The following RPS6KC1 variants were observed in gnomAD, a reference collection of about 807,000 sequenced individuals.
RPS6KC1 encodes inactive ribosomal protein S6 kinase delta-1.
RPS6KC1 carries 54 observed loss-of-function variants against 103.8 expected under a neutral mutation model. The ratio of observed to expected loss-of-function variants is 0.52; its 90% CI spans 0.42 to 0.65. The LOEUF (loss-of-function observed/expected upper bound fraction) is 0.65. Among genes scored for constraint, RPS6KC1 ranks in the 30% least tolerant of loss-of-function variants. The pLI is 0.00. For synonymous variants in RPS6KC1, 439 were observed against 438.7 expected, an observed-to-expected ratio of 1.00 and a Z score of -0.01; for missense variants, 1,151 against 1,253.8, an observed-to-expected ratio of 0.92 and a Z score of 1.24.
chr1:213,632,756 A>C, the RPS6KC1 span, among the ~76,000 whole-genome samples: 16 of 152,352 alleles, frequency 1.1e-4, no homozygotes, highest in African/African-American at 3.1e-4. Flanking sequence ...CTCCGAGCTA[A>C]AGGAGGATGT....
At chr1:213,316,882 G>A in the RPS6KC1 span, among the ~76,000 whole-genome samples, 6 of 152,168 alleles carry the variant, frequency 3.9e-5, no homozygotes, top group Admixed American at 3.9e-4. Flanking sequence ...CAGTAGGCAT[G>A]TGCTTGGTGT....
chr1:213,428,045 G>A, the RPS6KC1 span, among the ~76,000 whole-genome samples: 5 of 152,286 alleles, frequency 3.3e-5, no homozygotes, highest in Non-Finnish European at 7.3e-5. Context: ...GAGAAGTCAC[G>A]GTTTGCTACA....
chr1:213,350,238 T>G, the RPS6KC1 span, among the ~76,000 whole-genome samples: 1 of 152,188 alleles, frequency 6.6e-6, no homozygotes, highest in Non-Finnish European at 1.5e-5. Flanking sequence ...CACATGTGGA[T>G]GGAAAGCAAA....
the RPS6KC1 span, among the ~76,000 whole-genome samples, chr1:213,493,478 A>C: frequency 7.2e-5 from 11 of 152,344 alleles, no homozygotes; most frequent in African/African-American, 2.6e-4. Flanking sequence ...TTTGAAGTGA[A>C]GCGATACTGA....
At chr1:213,710,688 G>A in the RPS6KC1 span, among the ~76,000 whole-genome samples, 1 of 152,122 alleles carries the variant, frequency 6.6e-6, no homozygotes, top group Non-Finnish European at 1.5e-5. Context: ...CTTCCTTCAG[G>A]AGTTGTTGTA....
At chr1:213,176,603 C>T (rs1224765171) in intron 8 of RPS6KC1, 111 bp downstream of exon 8, 1 of 648,892 alleles carries the variant, frequency 1.5e-6, no homozygotes, top group East Asian at 2.7e-5. Context: ...GAAAATGACT[C>T]AAATGCATGT....
At chr1:213,637,471 C>T in the RPS6KC1 span, among the ~76,000 whole-genome samples, 2 of 151,908 alleles carry the variant, frequency 1.3e-5, no homozygotes, top group African/African-American at 4.8e-5. Context: ...ATGTTGGTGA[C>T]GAGTTGATGG....
At chr1:213,460,259 T>C in the RPS6KC1 span, among the ~76,000 whole-genome samples, 1 of 152,222 alleles carries the variant, frequency 6.6e-6, no homozygotes, top group African/African-American at 2.4e-5. Context: ...ATCTGGGTGC[T>C]CCTATATTGG....
intron 14 of RPS6KC1, among the ~76,000 whole-genome samples, chr1:213,264,507 C>T (rs1457780263): frequency 6.6e-6 from 1 of 152,078 alleles, no homozygotes; most frequent in African/African-American, 2.4e-5. Flanking sequence ...TGGAATTCCT[C>T]ATAATAAGTT....
the RPS6KC1 span, among the ~76,000 whole-genome samples, chr1:213,612,946 G>C: frequency 7.2e-5 from 11 of 152,160 alleles, no homozygotes; most frequent in African/African-American, 2.2e-4. Flanking sequence ...ACAAAGCCCA[G>C]TGTGATGAGA....
the RPS6KC1 span, among the ~76,000 whole-genome samples, chr1:213,719,777 A>G: frequency 6.6e-6 from 1 of 152,160 alleles, no homozygotes; most frequent in Non-Finnish European, 1.5e-5. Flanking sequence ...GGTGTCATAC[A>G]GTACGTGGAA....
chr1:213,390,821 C>T, the RPS6KC1 span, among the ~76,000 whole-genome samples: 4 of 152,116 alleles, frequency 2.6e-5, no homozygotes, highest in African/African-American at 9.7e-5. Flanking sequence ...TAGAGCAAAG[C>T]TGGATTGACC....
Position 213,200,468 on chromosome 1 carries a change from A to G in RPS6KC1, c.1044+23976A>G, listed in dbSNP as rs1293405027. 2.6e-5 allele frequency among the ~76,000 whole-genome samples: 4 copies of G among 152,156 alleles called. No individual in the cohort carries two copies. The East Asian group carries it at 7.7e-4, about 29-fold the overall frequency. Reference sequence around the variant, plus strand: ...AGAAACTAGACTCCTTCCTTACACCATTTTCAAAAATTAACTCAAGATGAA... The same window carrying G: ...AGAAACTAGACTCCTTCCTTACACCGTTTTCAAAAATTAACTCAAGATGAA... On this transcript the variant is annotated intron_variant, in intron 8 of 14. Coordinates refer to ENST00000366960, the MANE Select transcript of RPS6KC1 (RefSeq NM_012424.6).
At chr1:213,123,322 G>T (rs1284096954) in intron 5 of RPS6KC1, among the ~76,000 whole-genome samples, 1 of 152,118 alleles carries the variant, frequency 6.6e-6, no homozygotes, top group African/African-American at 2.4e-5. Flanking sequence ...GGCAAAAAAT[G>T]AAGCCAAGTG....
intron 4 of RPS6KC1, among the ~76,000 whole-genome samples, chr1:213,108,272 G>A (rs898846213): frequency 1.3e-5 from 2 of 152,204 alleles, no homozygotes; most frequent in South Asian, 4.1e-4. Context: ...TTTATATACG[G>A]TGTGAAGGAA....
At chr1:213,515,167 C>T in the RPS6KC1 span, among the ~76,000 whole-genome samples, 3 of 152,140 alleles carry the variant, frequency 2.0e-5, no homozygotes, top group Non-Finnish European at 4.4e-5. Flanking sequence ...AATTTTCTCC[C>T]ATTCTGTAGG....
At chr1:213,190,081 T>A (rs1376297083) in intron 8 of RPS6KC1, among the ~76,000 whole-genome samples, 1 of 152,234 alleles carries the variant, frequency 6.6e-6, no homozygotes, top group African/African-American at 2.4e-5. Flanking sequence ...TTGCTTCAAA[T>A]CTTGGCTATT....
At chr1:213,125,626 T>TTGTGTGTGTGTGTGTGTG (rs5780709) in intron 5 of RPS6KC1, 6 of 145,816 alleles carry the variant, frequency 4.1e-5, no homozygotes, top group African/African-American at 1.5e-4. Flanking sequence ...TTTTATCTGC[T>TTGTGTGTGTGTGTGTGTG]TGTGTGTGTG....
At chr1:213,057,531 A>G (rs1272906310) in intron 1 of RPS6KC1, among the ~76,000 whole-genome samples, 6 of 152,016 alleles carry the variant, frequency 3.9e-5, no homozygotes, top group Admixed American at 6.6e-5. Flanking sequence ...TATCTATACT[A>G]CTATACTTTT....
Sources: allele counts gnomAD v4.1 joint callset (sites outside exome capture counted in the v4.1 genomes callset), GRCh38; gene constraint gnomAD v4.1.1; transcripts MANE v1.5; gene names NCBI Gene and HGNC (gene_info 2026-07-23, HGNC 2026-07-21).